Variants in LRRC4C observed in about 807,000 individuals in gnomAD.
LRRC4C encodes the protein leucine rich repeat containing 4C.
LRRC4C carries 5 observed loss-of-function variants against 33.6 expected under a neutral mutation model. The ratio of observed to expected loss-of-function variants is 0.15; its 90% CI spans 0.08 to 0.31. The LOEUF (loss-of-function observed/expected upper bound fraction) is 0.31. Ranked by LOEUF, LRRC4C falls within the 10% of genes least tolerant of loss-of-function variation. The pLI is 1.00. For synonymous variants in LRRC4C, 329 were observed against 302.0 expected, an observed-to-expected ratio of 1.09 and a Z score of -0.93; for missense variants, 560 against 796.7, an observed-to-expected ratio of 0.70 and a Z score of 3.58.
chr11:41,236,279 A>G (rs1037353035), intron 1 of LRRC4C, among the ~76,000 whole-genome samples: 1 of 152,070 alleles, frequency 6.6e-6, no homozygotes, highest in Non-Finnish European at 1.5e-5. Flanking sequence ...CCTGAGATGA[A>G]CACCTCCTGA....
In LRRC4C at chr11:41,192,322, ATGTGTGTG is replaced by A. The variant is rs112844436; in HGVS notation, c.-495-258607_-495-258600del. Among the ~76,000 whole-genome samples, 110 of 146,236 alleles carry A rather than the reference ATGTGTGTG, an allele frequency of 7.5e-4. 2 individuals are homozygous for A. The East Asian group carries it at 0.019, about 26-fold the overall frequency. On this transcript the variant is annotated intron_variant, in intron 1 of 6. Transcript: ENST00000528697. Reference sequence around the variant, plus strand: ...TTGTCTGGCATACAGCATGAATTAAATGTGTGTGTGTGTGTGTGTGTGTGTGTGTGTTC... The same window carrying A: ...TTGTCTGGCATACAGCATGAATTAAATGTGTGTGTGTGTGTGTGTGTGTTC...
chr11:40,858,713 A>G (rs1429931419), intron 2 of LRRC4C, among the ~76,000 whole-genome samples: 2 of 150,442 alleles, frequency 1.3e-5, no homozygotes, highest in Non-Finnish European at 3.0e-5. Flanking sequence ...AAAAAAAAAA[A>G]AAAAAGATTG....
intron 5 of LRRC4C, among the ~76,000 whole-genome samples, chr11:40,236,690 GAATGGCA>G (rs1230638700): frequency 6.6e-6 from 1 of 152,104 alleles, no homozygotes; most frequent in Non-Finnish European, 1.5e-5. Flanking sequence ...CCACATGTTG[GAATGGCA>G]AAGCCATTAA....
At chr11:40,866,297 CCTTTT>C (rs1954367143) in intron 2 of LRRC4C, among the ~76,000 whole-genome samples, 1 of 151,580 alleles carries the variant, frequency 6.6e-6, no homozygotes, top group Non-Finnish European at 1.5e-5. Context: ...AAAGATATTT[CCTTTT>C]AACAACCCAA....
At chr11:41,198,627 A>G (rs1946280771) in intron 1 of LRRC4C, among the ~76,000 whole-genome samples, 1 of 28,748 alleles carries the variant, frequency 3.5e-5, no homozygotes, top group Non-Finnish European at 1.8e-4. Context: ...GGGGAGAGGA[A>G]AAAAAAGTAT....
intron 3 of LRRC4C, among the ~76,000 whole-genome samples, chr11:40,596,900 A>G (rs1959382683): frequency 6.6e-6 from 1 of 152,234 alleles, no homozygotes; most frequent in Non-Finnish European, 1.5e-5. Context: ...TGAACAGATA[A>G]AAAATGTGGT....
chr11:41,135,045 A>G (rs757649849), intron 1 of LRRC4C, among the ~76,000 whole-genome samples: 9 of 151,168 alleles, frequency 6.0e-5, no homozygotes, highest in Non-Finnish European at 1.2e-4. Flanking sequence ...TGATTCTGCC[A>G]TCACATATAC....
intron 2 of LRRC4C, among the ~76,000 whole-genome samples, chr11:40,895,115 A>G (rs558698180): frequency 6.6e-6 from 1 of 152,238 alleles, no homozygotes; most frequent in Non-Finnish European, 1.5e-5. Context: ...TTTGGCTGAA[A>G]TAATTGTTCA....
intron 5 of LRRC4C, among the ~76,000 whole-genome samples, chr11:40,230,237 A>C (rs1198731556): frequency 1.3e-5 from 2 of 152,222 alleles, no homozygotes; most frequent in Non-Finnish European, 2.9e-5. Context: ...TGTTAAAGAG[A>C]AGAAACATTT....
At chr11:41,372,778 A>G (rs1196072027) in intron 1 of LRRC4C, among the ~76,000 whole-genome samples, 2 of 104,966 alleles carry the variant, frequency 1.9e-5, no homozygotes, top group Non-Finnish European at 4.3e-5. Flanking sequence ...TGTTTGCAAG[A>G]GGGCACCAAA....
chr11:40,466,643 G>A (rs550557289), intron 3 of LRRC4C, among the ~76,000 whole-genome samples: 1 of 151,608 alleles, frequency 6.6e-6, no homozygotes, highest in Non-Finnish European at 1.5e-5. Flanking sequence ...GAATTAACTT[G>A]ACGAAGATAA....
intron 1 of LRRC4C, among the ~76,000 whole-genome samples, chr11:41,176,601 A>G (rs1945208220): frequency 6.6e-6 from 1 of 152,172 alleles, no homozygotes; most frequent in Non-Finnish European, 1.5e-5. Flanking sequence ...CAGTAAATAA[A>G]TAAGTAATAT....
chr11:41,065,322 C>A (rs922543452), intron 1 of LRRC4C, among the ~76,000 whole-genome samples: 3 of 152,070 alleles, frequency 2.0e-5, no homozygotes, highest in Admixed American at 2.0e-4. Flanking sequence ...TGCAGCAAAG[C>A]GACTATGGCC....
chr11:40,127,044 C>T (rs1386645561), intron 6 of LRRC4C, among the ~76,000 whole-genome samples: 1 of 151,926 alleles, frequency 6.6e-6, no homozygotes, highest in Admixed American at 6.6e-5. Context: ...CTTTGGAAGC[C>T]AAGGTGGGCA....
At chr11:40,127,534 C>A (rs902657153) in intron 6 of LRRC4C, among the ~76,000 whole-genome samples, 1 of 151,990 alleles carries the variant, frequency 6.6e-6, no homozygotes, top group Admixed American at 6.6e-5. Context: ...TAAAAAAAAA[C>A]TTAGAAACTT....
intron 2 of LRRC4C, among the ~76,000 whole-genome samples, chr11:40,820,188 T>G (rs1951872278): frequency 6.6e-6 from 1 of 152,066 alleles, no homozygotes; most frequent in South Asian, 2.1e-4. Context: ...GTCTAAGTAA[T>G]GTACTCATGT....
intron 1 of LRRC4C, among the ~76,000 whole-genome samples, chr11:41,070,515 C>G (rs1938599792): frequency 6.6e-6 from 1 of 151,818 alleles, no homozygotes; most frequent in South Asian, 2.1e-4. Flanking sequence ...TGCAATCTAC[C>G]CATCCAACAA....
intron 5 of LRRC4C, among the ~76,000 whole-genome samples, chr11:40,238,635 T>C (rs1865728733): frequency 6.6e-6 from 1 of 152,176 alleles, no homozygotes; most frequent in South Asian, 2.1e-4. Context: ...TGAAAGAAAA[T>C]TGTAAATTCA....
chr11:40,379,979 G>A (rs1358147085), intron 3 of LRRC4C, among the ~76,000 whole-genome samples: 1 of 152,034 alleles, frequency 6.6e-6, no homozygotes, highest in Non-Finnish European at 1.5e-5. Flanking sequence ...TGAAGTTTTG[G>A]AACTACTATG....
Sources: gnomAD v4.1 joint callset for allele counts (sites outside exome capture counted in the v4.1 genomes callset) on GRCh38, gnomAD v4.1.1 for gene constraint, MANE v1.5 for transcripts, NCBI Gene and HGNC (gene_info 2026-07-23, HGNC 2026-07-21) for gene names.